Variants in EPB41L2 observed in about 807,000 individuals in gnomAD.
The protein encoded by EPB41L2 is erythrocyte membrane protein band 4.1 like 2.
In EPB41L2, 43 loss-of-function variants were observed where a neutral mutation model predicts 113.0. The observed-to-expected ratio is 0.38, with a 90% CI of 0.30 to 0.49. The LOEUF (loss-of-function observed/expected upper bound fraction) is 0.49. Ranked by LOEUF, EPB41L2 falls within the 20% of genes least tolerant of loss-of-function variation. The pLI is 0.95. For missense variants in EPB41L2, 1,147 were observed against 1,223.4 expected (o/e 0.94, Z 0.93); for synonymous variants, 442 against 436.7 (o/e 1.01, Z -0.15).
chr6:131,005,841 T>C (rs1257486989), intron 1 of EPB41L2, among the ~76,000 whole-genome samples: 1 of 152,140 alleles, frequency 6.6e-6, no homozygotes, highest in Non-Finnish European at 1.5e-5. Flanking sequence ...GAAAACAACA[T>C]TTTTAAATGA....
chr6:131,048,950 T>C (rs1387396102), intron 1 of EPB41L2, among the ~76,000 whole-genome samples: 1 of 152,172 alleles, frequency 6.6e-6, no homozygotes, highest in Admixed American at 6.5e-5. Context: ...ACTGCTATTA[T>C]GTGTTCTACA....
intron 1 of EPB41L2, among the ~76,000 whole-genome samples, chr6:131,044,145 CCAAG>C (rs1448708336): frequency 6.6e-6 from 1 of 151,574 alleles, no homozygotes; most frequent in African/African-American, 2.4e-5. Context: ...CCTTAGCCTC[CCAAG>C]TAGCTGGGAC....
chr6:130,953,281 T>C (rs1485578396), intron 3 of EPB41L2, among the ~76,000 whole-genome samples: 1 of 151,994 alleles, frequency 6.6e-6, no homozygotes, highest in Non-Finnish European at 1.5e-5. Context: ...CTCCCTGGGA[T>C]AGAAAGGGAG....
In EPB41L2 at chr6:130,863,791, G is replaced by GA. The variant is rs1433563085; in HGVS notation, c.2830-74dup. Reference sequence around the variant, plus strand: ...CGTTTACACAGTCAGAGCAAACAGAGATGGGAGTCCACCTAGACCTGTGGA... The same window carrying GA: ...CGTTTACACAGTCAGAGCAAACAGAGAATGGGAGTCCACCTAGACCTGTGGA... On this transcript the variant is annotated intron_variant, in intron 17 of 19. Coordinates refer to ENST00000337057, the MANE Select transcript of EPB41L2 (RefSeq NM_001431.4). 3.9e-5 allele frequency: 38 copies of GA among 978,674 alleles called. No individual in the cohort carries two copies. In the Admixed American group the frequency reaches 6.9e-4, roughly 18 times the overall value. The allele number at this position is 978,674 out of a possible 1,614,324, so 60.6% of individuals were successfully genotyped here.
At chr6:130,951,708 G>A (rs1435739617) in intron 3 of EPB41L2, among the ~76,000 whole-genome samples, 1 of 151,912 alleles carries the variant, frequency 6.6e-6, no homozygotes, top group Non-Finnish European at 1.5e-5. Flanking sequence ...ATGGTTTTGA[G>A]TATCCTTCCC....
intron 1 of EPB41L2, among the ~76,000 whole-genome samples, chr6:130,983,205 TG>T (rs1779781641): frequency 1.3e-5 from 2 of 152,250 alleles, no homozygotes; most frequent in Non-Finnish European, 2.9e-5. Flanking sequence ...AAGTTGCAGA[TG>T]TTTCTATCTT....
At chr6:130,844,524 T>TC (rs1776410467) in intron 19 of EPB41L2, among the ~76,000 whole-genome samples, 1 of 152,046 alleles carries the variant, frequency 6.6e-6, no homozygotes, top group Non-Finnish European at 1.5e-5. Context: ...CAAGCTGGGA[T>TC]CGTGCCACTG....
At chr6:130,946,447 C>T (rs537919077) in intron 3 of EPB41L2, among the ~76,000 whole-genome samples, 14 of 152,220 alleles carry the variant, frequency 9.2e-5, no homozygotes, top group African/African-American at 3.1e-4. Flanking sequence ...TTAATATTAG[C>T]AAATGCCCTC....
At chr6:130,975,537 G>T (rs1035662333) in intron 1 of EPB41L2, among the ~76,000 whole-genome samples, 2 of 152,152 alleles carry the variant, frequency 1.3e-5, no homozygotes, top group Admixed American at 6.5e-5. Context: ...ACAAACTCTA[G>T]GCAGAAAGTA....
intron 6 of EPB41L2, among the ~76,000 whole-genome samples, chr6:130,903,191 GA>G (rs1368281971): frequency 3.9e-5 from 6 of 152,212 alleles, no homozygotes; most frequent in Non-Finnish European, 7.3e-5. Flanking sequence ...TGTATGTACA[GA>G]GTGTTGGGTC....
At chr6:130,911,425 G>A (rs1250410801) in intron 4 of EPB41L2, among the ~76,000 whole-genome samples, 2 of 152,126 alleles carry the variant, frequency 1.3e-5, no homozygotes, top group East Asian at 1.9e-4. Context: ...TGTAGATGAC[G>A]GGGGTTGATG....
intron 1 of EPB41L2, among the ~76,000 whole-genome samples, chr6:130,966,581 TAAC>T (rs1174327902): frequency 2.0e-5 from 3 of 151,844 alleles, no homozygotes; most frequent in Non-Finnish European, 4.4e-5. Flanking sequence ...TGCAAGAGAG[TAAC>T]AACAGTGATT....
chr6:131,047,210 C>A (rs1284098566), intron 1 of EPB41L2, among the ~76,000 whole-genome samples: 1 of 152,158 alleles, frequency 6.6e-6, no homozygotes, highest in Non-Finnish European at 1.5e-5. Context: ...GTGGCACACA[C>A]CTCTAGTCCC....
chr6:130,876,590 A>G, intron 14 of EPB41L2: 1 of 868,758 alleles, frequency 1.2e-6, no homozygotes, highest in South Asian at 1.9e-5. Flanking sequence ...GACACACAGG[A>G]AAAAAGAAAT....
At chr6:130,875,296 G>A (rs188512623) in intron 14 of EPB41L2, among the ~76,000 whole-genome samples, 1 of 152,240 alleles carries the variant, frequency 6.6e-6, no homozygotes, top group East Asian at 1.9e-4. Flanking sequence ...TCCAGTGCCA[G>A]GGGGACTTCT....
intron 1 of EPB41L2, among the ~76,000 whole-genome samples, chr6:131,001,601 A>G (rs1784393099): frequency 6.6e-6 from 1 of 152,050 alleles, no homozygotes; most frequent in Non-Finnish European, 1.5e-5. Context: ...CACCCACCCC[A>G]TGCGTTTGAA....
chr6:131,019,326 A>G (rs1788942816), intron 1 of EPB41L2, among the ~76,000 whole-genome samples: 1 of 152,170 alleles, frequency 6.6e-6, no homozygotes, highest in African/African-American at 2.4e-5. Context: ...TTATCCCTAG[A>G]CTCACTTAAG....
chr6:130,845,838 C>A (rs1776887344), intron 19 of EPB41L2, among the ~76,000 whole-genome samples: 1 of 152,198 alleles, frequency 6.6e-6, no homozygotes, highest in Non-Finnish European at 1.5e-5. Flanking sequence ...GGGAAGTATG[C>A]ACACGCCATT....
chr6:130,845,646 G>A (rs1776830401), intron 19 of EPB41L2, among the ~76,000 whole-genome samples: 1 of 152,158 alleles, frequency 6.6e-6, no homozygotes, highest in African/African-American at 2.4e-5. Context: ...CTCCCAACGT[G>A]TTCGGATTAC....
Sources: allele counts gnomAD v4.1 joint callset (sites outside exome capture counted in the v4.1 genomes callset), GRCh38; gene constraint gnomAD v4.1.1; transcripts MANE v1.5; gene names NCBI Gene and HGNC (gene_info 2026-07-23, HGNC 2026-07-21).